C12orf42: variants seen among roughly 807,000 people sequenced by gnomAD.
The protein encoded by C12orf42 is chromosome 12 open reading frame 42.
In C12orf42, 25 loss-of-function variants were observed where a neutral mutation model predicts 21.6. The ratio of observed to expected loss-of-function variants is 1.16; its 90% CI spans 0.84 to 1.62. The LOEUF is 1.62. C12orf42 is among the 40% of genes most tolerant of loss of function. C12orf42 has a pLI of 0.00. For synonymous variants in C12orf42, 174 were observed against 175.0 expected (o/e 0.99, Z 0.05); for missense variants, 483 against 459.3 (o/e 1.05, Z -0.47).
chr12:103,317,601 T>C (rs1032509979), intron 4 of C12orf42, among the ~76,000 whole-genome samples: 1 of 152,246 alleles, frequency 6.6e-6, no homozygotes, highest in Admixed American at 6.5e-5. Flanking sequence ...ATTCATTGAA[T>C]GAATGTCTCT....
chr12:103,232,144 T>A, the C12orf42 span, among the ~76,000 whole-genome samples: 7 of 152,350 alleles, frequency 4.6e-5, no homozygotes, highest in South Asian at 1.2e-3. Context: ...CAATTTTAAA[T>A]CATATTGTTT....
the C12orf42 span, among the ~76,000 whole-genome samples, chr12:103,063,167 A>C: frequency 6.6e-6 from 1 of 152,178 alleles, no homozygotes; most frequent in Non-Finnish European, 1.5e-5. Context: ...CACTTGACAA[A>C]GTGACGAAAG....
chr12:103,120,316 G>C, the C12orf42 span, among the ~76,000 whole-genome samples: 1 of 152,210 alleles, frequency 6.6e-6, no homozygotes, highest in Non-Finnish European at 1.5e-5. Flanking sequence ...TGTGAGCATT[G>C]TGGAAGGCCT....
chr12:103,304,381 G>C (rs1452692269), intron 5 of C12orf42, among the ~76,000 whole-genome samples: 1 of 152,192 alleles, frequency 6.6e-6, no homozygotes, highest in Non-Finnish European at 1.5e-5. Flanking sequence ...TAAATTTTAA[G>C]TGCCAGCTGG....
the C12orf42 span, among the ~76,000 whole-genome samples, chr12:103,525,394 T>C: frequency 6.6e-6 from 1 of 152,128 alleles, no homozygotes; most frequent in Non-Finnish European, 1.5e-5. Flanking sequence ...ATTTAGCTCC[T>C]TTAGGAATCC....
chr12:103,154,284 A>C, the C12orf42 span, among the ~76,000 whole-genome samples: 4 of 152,116 alleles, frequency 2.6e-5, no homozygotes, highest in African/African-American at 9.7e-5. Flanking sequence ...TGTTTGTGAA[A>C]ATTCATCAAC....
the C12orf42 span, among the ~76,000 whole-genome samples, chr12:103,132,350 A>G: frequency 6.7e-6 from 1 of 149,846 alleles, no homozygotes; most frequent in African/African-American, 2.5e-5. Flanking sequence ...GCTCCCTAAC[A>G]TGGGAAAAAG....
chr12:103,128,544 G>A, the C12orf42 span, among the ~76,000 whole-genome samples: 1 of 152,148 alleles, frequency 6.6e-6, no homozygotes, highest in African/African-American at 2.4e-5. Context: ...TCTAAACCTT[G>A]CAAATATTTC....
chr12:103,480,489 A>T, intron 1 of C12orf42, among the ~76,000 whole-genome samples: 1 of 150,098 alleles, frequency 6.7e-6, no homozygotes, highest in African/African-American at 2.4e-5. Context: ...TCTTTCCTAT[A>T]CATTTTGGGG....
In C12orf42 at chr12:103,306,362, C is replaced by T. The variant is rs764135383; in HGVS notation, c.260-17G>A. The T allele has an allele frequency of 5.1e-6, 8 of 1,567,358 alleles. No homozygotes were observed. Among genetic ancestry groups the T allele is most frequent in the Admixed American group, 3.8e-5 (2 of 52,124 alleles). On this transcript the variant is annotated splice_polypyrimidine_tract_variant and intron_variant, in intron 4 of 5. Transcript: ENST00000548883. ...CTGGAAATACTGTGAAAGGTAAATA[C>T]ATTCGTTTGAAAAATTCACCAAAAA...
intron 2 of C12orf42, among the ~76,000 whole-genome samples, chr12:103,464,442 C>T (rs544503038): frequency 8.8e-5 from 13 of 148,434 alleles, no homozygotes; most frequent in Admixed American, 7.4e-4. Flanking sequence ...TAAACTTAAG[C>T]TCCTTATAGA....
chr12:103,481,455 T>A (rs527477437), intron 1 of C12orf42, among the ~76,000 whole-genome samples: 2 of 152,110 alleles, frequency 1.3e-5, no homozygotes, highest in Admixed American at 1.3e-4. Flanking sequence ...AAATCTAGCC[T>A]GTCCCTATTT....
At chr12:103,119,314 A>T in the C12orf42 span, among the ~76,000 whole-genome samples, 1 of 152,230 alleles carries the variant, frequency 6.6e-6, no homozygotes, top group African/African-American at 2.4e-5. Context: ...ATGAGATAAC[A>T]CATGAGAAGG....
intron 10 of C12orf42, among the ~76,000 whole-genome samples, chr12:103,257,488 A>G (rs768017947): frequency 6.6e-6 from 1 of 152,124 alleles, no homozygotes; most frequent in Non-Finnish European, 1.5e-5. Flanking sequence ...ACTCAAAGAC[A>G]TTAAAGTATA....
the C12orf42 span, among the ~76,000 whole-genome samples, chr12:103,142,739 A>G: frequency 1.3e-5 from 2 of 152,208 alleles, no homozygotes; most frequent in Admixed American, 6.5e-5. Context: ...GAATTTCTCT[A>G]TATGTCTCAA....
At position 103,495,905 on chromosome 12, in the gene C12orf42, G is replaced by A. The variant is rs1233616933; in HGVS notation, c.-25C>T. The A allele has an allele frequency of 1.3e-5, 2 of 152,394 alleles. No individual in the cohort carries two copies. Among genetic ancestry groups the A allele is most frequent in the African/African-American group, 4.8e-5 (2 of 41,450 alleles). 9.4% of individuals were successfully genotyped at this position (152,394 alleles called of 1,614,324 possible). ...GTCCCGCGCTCCCTGCGTCTACCTG[G>A]AGCTGCAGGGTCCCTATCCCGGGGC... On this transcript the variant is annotated 5_prime_UTR_variant, in exon 1 of 6. Coordinates refer to ENST00000548883, the MANE Select transcript of C12orf42 (RefSeq NM_198521.5).
At chr12:103,364,906 A>G (rs750884158) in intron 4 of C12orf42, among the ~76,000 whole-genome samples, 9 of 152,034 alleles carry the variant, frequency 5.9e-5, no homozygotes, top group Non-Finnish European at 1.3e-4. Context: ...GCAGACATTC[A>G]AAGAATTGGT....
At chr12:103,563,414 C>T in the C12orf42 span, among the ~76,000 whole-genome samples, 1 of 152,188 alleles carries the variant, frequency 6.6e-6, no homozygotes, top group African/African-American at 2.4e-5. Context: ...AGGGGTAGAA[C>T]AGAAATGAAA....
rs185073307 is a variant in C12orf42 at position 103,447,090 on chromosome 12, C to T, written c.78+31259G>A. ...GGTCATCAGCACATGGAACATTCTC[C>T]AAGATAGACCATGTGATAGGGCACA... On this transcript the variant is annotated intron_variant, in intron 2 of 5. Transcript: ENST00000548883. Among the ~76,000 whole-genome samples, 1,110 of 152,018 alleles carry T rather than the reference C, an allele frequency of 7.3e-3. 2 individuals carry two copies. The highest frequency in any genetic ancestry group is 0.031 in the Middle Eastern group (9 of 294).
Sources: allele counts gnomAD v4.1 joint callset (sites outside exome capture counted in the v4.1 genomes callset), GRCh38; gene constraint gnomAD v4.1.1; transcripts MANE v1.5; gene names NCBI Gene and HGNC (gene_info 2026-07-23, HGNC 2026-07-21).